Variants in GSN observed in about 807,000 individuals in gnomAD.
The protein encoded by GSN is actin-depolymerizing factor.
A neutral mutation model predicts 85.7 loss-of-function variants in GSN; 56 were observed. That is an observed-to-expected ratio of 0.65 (90% CI 0.53 to 0.82). The LOEUF is 0.82. GSN is among the 40% of genes least tolerant of loss of function. GSN has a pLI of 0.00. For missense variants in GSN, 857 were observed against 979.8 expected (o/e 0.87, Z 1.67); for synonymous variants, 373 against 399.1 (o/e 0.93, Z 0.78).
intron 10 of GSN, among the ~76,000 whole-genome samples, chr9:121,320,928 C>T (rs915008721): frequency 6.6e-6 from 1 of 152,086 alleles, no homozygotes; most frequent in Non-Finnish European, 1.5e-5. Context: ...TCTCATGGCC[C>T]GGAAGGGGAT....
chr9:121,232,423 A>G (rs1437011276), intron 5 of GSN, among the ~76,000 whole-genome samples: 1 of 152,264 alleles, frequency 6.6e-6, no homozygotes, highest in Non-Finnish European at 1.5e-5. Context: ...TTAGTCAGTT[A>G]TCCCTTTTTC....
chr9:121,296,541 G>A (rs1442546287), intron 2 of GSN, among the ~76,000 whole-genome samples: 2 of 152,120 alleles, frequency 1.3e-5, no homozygotes, highest in African/African-American at 4.8e-5. Flanking sequence ...AAGAGGCTTC[G>A]AGTCAGAGCA....
chr9:121,254,380 T>C (rs2054904485), intron 6 of GSN, among the ~76,000 whole-genome samples: 1 of 152,190 alleles, frequency 6.6e-6, no homozygotes, highest in African/African-American at 2.4e-5. Flanking sequence ...AGTCTCTCAG[T>C]CCTGGGTTTC....
rs1236946684 is a variant in GSN, at chr9:121,228,445, T to A, written c.-527-2720T>A. On this transcript the variant is annotated intron_variant, in intron 4 of 24. Coordinates refer to the GSN transcript ENST00000373823. Reference sequence around the variant, plus strand: ...ATATATTTTTTTTTTTTTTTTTTTTTTTTTTTGAGATAGGGTCTTGCTTTG... The same window carrying A: ...ATATATTTTTTTTTTTTTTTTTTTTATTTTTTGAGATAGGGTCTTGCTTTG... Among the ~76,000 whole-genome samples, 174 of 122,708 alleles carry A rather than the reference T, an allele frequency of 1.4e-3. 2 individuals are homozygous for A. Among genetic ancestry groups the A allele is most frequent in the African/African-American group, 5.8e-3 (163 of 28,142 alleles). 80.5% of individuals were successfully genotyped at this position (122,708 alleles called of 152,430 possible). A position where few individuals can be genotyped will look rare whatever the true frequency, so the allele number is the denominator to read the frequency against.
upstream of GSN, among the ~76,000 whole-genome samples, chr9:121,207,060 T>A (rs1016555599): frequency 4.6e-5 from 7 of 152,292 alleles, no homozygotes; most frequent in Non-Finnish European, 1.5e-5. Flanking sequence ...GGGAGATTGA[T>A]ATCTAAATTA....
intron 4 of GSN, among the ~76,000 whole-genome samples, chr9:121,220,465 A>G (rs537811520): frequency 8.4e-5 from 7 of 82,936 alleles, no homozygotes; most frequent in Non-Finnish European, 2.3e-4. Context: ...AGGTTCTGTT[A>G]ACACATCCAT....
chr9:121,259,453 A>T (rs1238118284), intron 6 of GSN, among the ~76,000 whole-genome samples: 1 of 152,152 alleles, frequency 6.6e-6, no homozygotes, highest in African/African-American at 2.4e-5. Flanking sequence ...AAAATAAAGG[A>T]GAGTTAAACA....
chr9:121,274,845 G>T (rs186753820), intron 1 of GSN, among the ~76,000 whole-genome samples: 1 of 152,208 alleles, frequency 6.6e-6, no homozygotes, highest in Non-Finnish European at 1.5e-5. Context: ...AGGATGAGGG[G>T]TTCTGGCTAA....
chr9:121,257,150 G>A (rs972168549), intron 6 of GSN, among the ~76,000 whole-genome samples: 1 of 151,798 alleles, frequency 6.6e-6, no homozygotes, highest in Non-Finnish European at 1.5e-5. Flanking sequence ...AAAAAAAAGA[G>A]TAAGAAACAG....
At chr9:121,218,167 AT>A in intron 4 of GSN, among the ~76,000 whole-genome samples, 2 of 152,338 alleles carry the variant, frequency 1.3e-5, no homozygotes, top group Admixed American at 1.3e-4. Context: ...TCTGGCAGTC[AT>A]TTAATATTGT....
At chr9:121,267,768 T>C (rs1244494880), upstream of GSN, among the ~76,000 whole-genome samples, 4 of 152,072 alleles carry the variant, frequency 2.6e-5, no homozygotes, top group African/African-American at 9.7e-5. Flanking sequence ...CCTCCTGAAG[T>C]CCGTTCTCTC....
chr9:121,303,109 C>G (rs745854588), intron 4 of GSN, 44 bp downstream of exon 4: 32 of 1,586,826 alleles, frequency 2.0e-5, no homozygotes, highest in Non-Finnish European at 2.1e-5. Context: ...GACAGATGCA[C>G]CAGTAACAGG....
chr9:121,254,645 C>G (rs1159480477), intron 6 of GSN, among the ~76,000 whole-genome samples: 1 of 152,186 alleles, frequency 6.6e-6, no homozygotes, highest in East Asian at 1.9e-4. Context: ...GAGCAATTTT[C>G]TCCCAAAGAT....
chr9:121,271,777 C>T (rs2056007090), intron 1 of GSN, among the ~76,000 whole-genome samples: 1 of 152,174 alleles, frequency 6.6e-6, no homozygotes, highest in African/African-American at 2.4e-5. Context: ...TCCGCAGGAC[C>T]CTCAGTGCAG....
chr9:121,302,110 C>G lies in GSN; in HGVS notation c.139C>G (p.Leu47Val). Residue 47 changes from leucine (L) to valine (V), a missense_variant, in exon 3 of 18, where the codon CTG (leucine) becomes GTG (valine). Transcript: ENST00000432226. ...CTTCACGGGCGACGCCTACGTCATC[C>G]TGAAGACAGTGCAGCTGAGGAACGG... Reference protein sequence around the residue: ...DFFTGDAYVILKTVQLRNGNL... With the variant: ...DFFTGDAYVIVKTVQLRNGNL... 6.2e-7 allele frequency: 1 copy of G among 1,614,232 alleles called. No homozygotes were observed. Among genetic ancestry groups the G allele is most frequent in the Non-Finnish European group, 8.5e-7 (1 of 1,180,004 alleles).
intron 5 of GSN, among the ~76,000 whole-genome samples, chr9:121,234,206 G>A (rs75499886): frequency 2.0e-5 from 3 of 152,322 alleles, no homozygotes; most frequent in East Asian, 3.9e-4. Flanking sequence ...TCACGGCCGT[G>A]CCTAGCTGCA....
At chr9:121,221,548 A>G (rs2132112091) in intron 4 of GSN, among the ~76,000 whole-genome samples, 1 of 152,280 alleles carries the variant, frequency 6.6e-6, no homozygotes, top group South Asian at 2.1e-4. Context: ...GCCCTTCACA[A>G]TCAGCCCAAT....
intron 2 of GSN, among the ~76,000 whole-genome samples, chr9:121,291,416 CTTTTT>C (rs10615868): frequency 9.6e-6 from 1 of 103,836 alleles, no homozygotes; most frequent in African/African-American, 3.8e-5. Context: ...CCCCACTGGA[CTTTTT>C]TTTTTTTTTT....
chr9:121,327,056 G>A (rs1038907117), intron 13 of GSN: 1 of 680,062 alleles, frequency 1.5e-6, no homozygotes. Context: ...CACCTCCTTT[G>A]TTCTGGGCAT....
Sources: gnomAD v4.1 joint callset for allele counts (sites outside exome capture counted in the v4.1 genomes callset) on GRCh38, gnomAD v4.1.1 for gene constraint, MANE v1.5 for transcripts, NCBI Gene and HGNC (gene_info 2026-07-23, HGNC 2026-07-21) for gene names.